The following CASK variants were observed in gnomAD, a reference collection of about 807,000 sequenced individuals.
The protein encoded by CASK is peripheral plasma membrane protein CASK.
CASK carries 4 observed loss-of-function variants against 82.9 expected under a neutral mutation model. The observed-to-expected ratio is 0.05, with a 90% CI of 0.02 to 0.11. The LOEUF (loss-of-function observed/expected upper bound fraction) is 0.11. Ranked by LOEUF, CASK falls within the 10% of genes least tolerant of loss-of-function variation. The pLI is 1.00. For missense variants in CASK, 358 were observed against 720.9 expected (o/e 0.50, Z 5.76); for synonymous variants, 259 against 253.5 (o/e 1.02, Z -0.20).
At chrX:41,650,961 T>C (rs769252024) in intron 8 of CASK, among the ~76,000 whole-genome samples, 1 of 112,133 alleles carries the variant, frequency 8.9e-6, no homozygotes, top group Admixed American at 9.5e-5. Flanking sequence ...GAAGTTAAAC[T>C]GTTGTTTAGA....
chrX:41,522,529 G>T (rs767077219), intron 26 of CASK, among the ~76,000 whole-genome samples: 5 of 111,705 alleles, frequency 4.5e-5, no homozygotes, highest in African/African-American at 6.5e-5. Flanking sequence ...TGCAAAAAAC[G>T]CCATTTTAGC....
intron 8 of CASK, among the ~76,000 whole-genome samples, chrX:41,655,575 A>G (rs5917438): frequency 0.15 from 16,692 of 110,993 alleles, 965 homozygotes; most frequent in Middle Eastern, 0.18. Context: ...TTATGCAGGA[A>G]CATCCTCTCC....
At chrX:41,665,700 C>A in intron 6 of CASK, 1 of 410,063 alleles carries the variant, frequency 2.4e-6, no homozygotes, top group Non-Finnish European at 4.2e-6. Context: ...CTATTGAATT[C>A]TGCATGCTAC....
intron 2 of CASK, among the ~76,000 whole-genome samples, chrX:41,847,841 G>A (rs1033936953): frequency 9.0e-6 from 1 of 111,525 alleles, no homozygotes; most frequent in East Asian, 2.8e-4. Flanking sequence ...GATGTGTAGG[G>A]CATACCTTCA....
chrX:41,710,752 A>G (rs1309954900), intron 5 of CASK, among the ~76,000 whole-genome samples: 1 of 112,112 alleles, frequency 8.9e-6, no homozygotes, highest in African/African-American at 3.2e-5. Context: ...GGGTTGGGAC[A>G]TTAAGCCCCA....
chrX:41,831,361 T>C (rs1237087465), intron 2 of CASK, among the ~76,000 whole-genome samples: 2 of 112,315 alleles, frequency 1.8e-5, no homozygotes, highest in East Asian at 2.8e-4. Flanking sequence ...ACTTCTTTAA[T>C]CTTCAGTTGC....
chrX:41,686,309 C>T (rs912253126), intron 5 of CASK, among the ~76,000 whole-genome samples: 11 of 110,726 alleles, frequency 9.9e-5, no homozygotes, highest in African/African-American at 3.3e-4. Flanking sequence ...AGGCTGGTCT[C>T]GAACTCCTGA....
chrX:41,838,696 G>A (rs1272068885), intron 2 of CASK, among the ~76,000 whole-genome samples: 1 of 111,064 alleles, frequency 9.0e-6, no homozygotes, highest in Admixed American at 9.5e-5. Context: ...GGGATGGGAG[G>A]TTCCAGTGAG....
chrX:41,538,954 G>C (rs1440849100), intron 22 of CASK, among the ~76,000 whole-genome samples: 1 of 111,468 alleles, frequency 9.0e-6, no homozygotes, highest in Non-Finnish European at 1.9e-5. Flanking sequence ...GAGAATGAGC[G>C]TCCATTCAAA....
chrX:41,919,371 A>G (rs1278135651), intron 1 of CASK: 2 of 112,226 alleles, frequency 1.8e-5, no homozygotes, highest in Non-Finnish European at 3.8e-5. Flanking sequence ...ACAGGCTACT[A>G]AACAGGGCAA....
chrX:41,677,701 G>A (rs2067292425), intron 5 of CASK, among the ~76,000 whole-genome samples: 3 of 111,830 alleles, frequency 2.7e-5, no homozygotes, highest in South Asian at 3.7e-4. Context: ...ATGGAGAAAT[G>A]GGATGTAGAA....
rs1332437369 is a variant in CASK, at chrX:41,829,698, T to G, written c.172+23417A>C. On this transcript the variant is annotated intron_variant, in intron 2 of 26. Coordinates refer to ENST00000378163, the MANE Select transcript of CASK (RefSeq NM_001367721.1). The stretch of plus-strand genomic sequence containing the variant: ...GGGATGCAAATGCTAGGTCACAAGA[T>G]ATATATATATATATATATATATATA... Among the ~76,000 whole-genome samples the G allele has an allele frequency of 4.7e-3, 4 of 857 alleles. No homozygotes were observed. In the African/African-American group the frequency reaches 0.047, roughly 10 times the overall value. 0.7% of individuals were successfully genotyped at this position (857 alleles called of 115,157 possible).
intron 19 of CASK, 61 bp from the exon 20 acceptor site, chrX:41,555,696 A>C: frequency 2.3e-6 from 2 of 858,002 alleles, no homozygotes; most frequent in Non-Finnish European, 1.7e-6. Flanking sequence ...GTACAAAGTA[A>C]TTTGTGTGTT....
chrX:41,588,010 A>T (rs2065683185), intron 13 of CASK: 1 of 111,888 alleles, frequency 8.9e-6, no homozygotes, highest in Non-Finnish European at 1.9e-5. Context: ...CTACTGGGGC[A>T]GGAGGGGGAT....
At chrX:41,730,625 A>G (rs2068378506) in intron 5 of CASK, among the ~76,000 whole-genome samples, 1 of 111,518 alleles carries the variant, frequency 9.0e-6, no homozygotes, top group African/African-American at 3.3e-5. Context: ...TGATTTCTAG[A>G]CATGTAAATC....
intron 2 of CASK, among the ~76,000 whole-genome samples, chrX:41,809,123 C>A (rs1365517537): frequency 8.9e-6 from 1 of 112,380 alleles, no homozygotes; most frequent in African/African-American, 3.2e-5. Flanking sequence ...CACCGCAGCT[C>A]AAGGAGGCCT....
At chrX:41,614,388 A>C (rs1367711102) in intron 11 of CASK, among the ~76,000 whole-genome samples, 1 of 112,592 alleles carries the variant, frequency 8.9e-6, no homozygotes, top group Non-Finnish European at 1.9e-5. Flanking sequence ...AAAAAGAATA[A>C]ATGAAATCAT....
chrX:41,627,810 C>T (rs980335019), intron 9 of CASK, among the ~76,000 whole-genome samples: 1 of 112,177 alleles, frequency 8.9e-6, no homozygotes, highest in Non-Finnish European at 1.9e-5. Flanking sequence ...TGAGATCAGC[C>T]TGACCAACAC....
intron 17 of CASK, among the ~76,000 whole-genome samples, chrX:41,560,828 T>C (rs1055581082): frequency 1.1e-4 from 12 of 108,170 alleles, no homozygotes; most frequent in Non-Finnish European, 2.3e-4. Flanking sequence ...GGGGCAGAGG[T>C]TGCAGTGAGC....
Sources: gnomAD v4.1 joint callset for allele counts (sites outside exome capture counted in the v4.1 genomes callset) on GRCh38, gnomAD v4.1.1 for gene constraint, MANE v1.5 for transcripts, NCBI Gene and HGNC (gene_info 2026-07-23, HGNC 2026-07-21) for gene names.